CIMIP4: variants seen among roughly 807,000 people sequenced by gnomAD.
The protein encoded by CIMIP4 is protein EAN57.
At chr22:37,003,974 TG>T in the CIMIP4 span, 68 of 1,550,258 alleles carry the variant, frequency 4.4e-5, no homozygotes, top group Non-Finnish European at 5.8e-5. Flanking sequence ...ACCTGCTCCG[TG>T]GCCCAGCTCC....
At chr22:37,002,692 A>G in the CIMIP4 span, among the ~76,000 whole-genome samples, 1 of 152,076 alleles carries the variant, frequency 6.6e-6, no homozygotes, top group Non-Finnish European at 1.5e-5. Context: ...TCCCTTCCCC[A>G]CTTTTCCATC....
the CIMIP4 span, among the ~76,000 whole-genome samples, chr22:36,999,376 G>A: frequency 6.7e-6 from 1 of 149,856 alleles, no homozygotes; most frequent in Non-Finnish European, 1.5e-5. Flanking sequence ...GCTACTTATG[G>A]GGGCAGGGGG....
the CIMIP4 span, chr22:37,002,279 T>A: frequency 7.0e-7 from 1 of 1,429,178 alleles, no homozygotes; most frequent in Non-Finnish European, 9.2e-7. Context: ...GTCATTCAGA[T>A]GGGCCCTGGT....
chr22:36,999,837 G>C, the CIMIP4 span: 17 of 1,611,882 alleles, frequency 1.1e-5, no homozygotes, highest in South Asian at 1.8e-4. Flanking sequence ...CCTTTGACTT[G>C]ACCTCGAAAC....
chr22:37,003,489 G>A, the CIMIP4 span, among the ~76,000 whole-genome samples: 8 of 152,068 alleles, frequency 5.3e-5, no homozygotes, highest in South Asian at 1.2e-3. Context: ...GCCTGCTCTC[G>A]GGACTCCACA....
the CIMIP4 span, among the ~76,000 whole-genome samples, chr22:37,006,272 CAG>C: frequency 6.6e-6 from 1 of 152,130 alleles, no homozygotes; most frequent in East Asian, 1.9e-4. Context: ...AAAGACAAGT[CAG>C]AGAGTGGATG....
At chr22:36,999,075 T>G in the CIMIP4 span, among the ~76,000 whole-genome samples, 1 of 152,032 alleles carries the variant, frequency 6.6e-6, no homozygotes, top group African/African-American at 2.4e-5. Context: ...ATTGTCACTG[T>G]GACCAAAGGT....
the CIMIP4 span, among the ~76,000 whole-genome samples, chr22:36,998,594 A>G: frequency 6.6e-6 from 1 of 152,176 alleles, no homozygotes; most frequent in African/African-American, 2.4e-5. Flanking sequence ...AGTGGTCAAG[A>G]AAAGACTATG....
the CIMIP4 span, among the ~76,000 whole-genome samples, chr22:36,999,197 C>T: frequency 4.0e-4 from 60 of 151,228 alleles, no homozygotes; most frequent in African/African-American, 1.2e-3. Flanking sequence ...TGACTCATGC[C>T]TGTAATCCCA....
At chr22:36,995,001 T>A in the CIMIP4 span, among the ~76,000 whole-genome samples, 1 of 152,172 alleles carries the variant, frequency 6.6e-6, no homozygotes, top group Non-Finnish European at 1.5e-5. Flanking sequence ...AAAGCAAATC[T>A]GAACAATTTC....
At chr22:36,993,569 A>AC in the CIMIP4 span, among the ~76,000 whole-genome samples, 1 of 71,826 alleles carries the variant, frequency 1.4e-5, no homozygotes, top group African/African-American at 5.4e-5. Flanking sequence ...CTAAAAATAC[A>AC]AAAAAAAAAA....
At chr22:36,991,436 T>G in the CIMIP4 span, 2 of 1,592,870 alleles carry the variant, frequency 1.3e-6, no homozygotes, top group Admixed American at 3.3e-5. Context: ...ACCCTGCTGG[T>G]GGAGGACAGT....
At chr22:37,007,301 G>A in the CIMIP4 span, among the ~76,000 whole-genome samples, 1 of 152,186 alleles carries the variant, frequency 6.6e-6, no homozygotes, top group Non-Finnish European at 1.5e-5. Flanking sequence ...TACCCAGTAA[G>A]GTGTTCGGAG....
the CIMIP4 span, among the ~76,000 whole-genome samples, chr22:36,998,023 A>T: frequency 6.6e-6 from 1 of 152,242 alleles, no homozygotes; most frequent in Non-Finnish European, 1.5e-5. Flanking sequence ...TTTATGTGCC[A>T]GTCAGTTCAG....
the CIMIP4 span, among the ~76,000 whole-genome samples, chr22:37,002,817 A>G: frequency 6.6e-6 from 1 of 152,194 alleles, no homozygotes; most frequent in African/African-American, 2.4e-5. Context: ...TGGGACTTCC[A>G]GACTTTGCTT....
the CIMIP4 span, among the ~76,000 whole-genome samples, chr22:36,993,980 C>T: frequency 6.6e-6 from 1 of 152,144 alleles, no homozygotes; most frequent in Admixed American, 6.5e-5. Flanking sequence ...CAGGCAAACA[C>T]TAACCAAAAG....
At chr22:36,999,933 A>T in the CIMIP4 span, 1 of 1,614,018 alleles carries the variant, frequency 6.2e-7, no homozygotes, top group Non-Finnish European at 8.5e-7. Context: ...CTGCTGGGCC[A>T]TGAGCTTGCC....
chr22:36,998,393 T>A, the CIMIP4 span, among the ~76,000 whole-genome samples: 12 of 151,638 alleles, frequency 7.9e-5, no homozygotes, highest in African/African-American at 2.7e-4. Flanking sequence ...GTGGAAGAGG[T>A]TTGTCAGGCC....
the CIMIP4 span, among the ~76,000 whole-genome samples, chr22:37,003,331 T>A: frequency 6.6e-6 from 1 of 152,150 alleles, no homozygotes; most frequent in Admixed American, 6.5e-5. Context: ...TTTAGCAGGA[T>A]CGCTGCCCCA....
Sources: allele counts gnomAD v4.1 joint callset (sites outside exome capture counted in the v4.1 genomes callset), GRCh38; gene constraint gnomAD v4.1.1; transcripts MANE v1.5; gene names NCBI Gene and HGNC (gene_info 2026-07-23, HGNC 2026-07-21).